SNCAIP: variants seen among roughly 807,000 people sequenced by gnomAD.
SNCAIP encodes the protein synphilin-1.
Under a neutral mutation model 86.7 loss-of-function variants are expected in SNCAIP, and 43 were observed. That is an observed-to-expected ratio of 0.50 (90% CI 0.39 to 0.64). SNCAIP has a LOEUF of 0.64. Ranked by LOEUF, SNCAIP falls within the 30% of genes least tolerant of loss-of-function variation. The pLI is 0.00. For synonymous variants in SNCAIP, 417 were observed against 427.2 expected (o/e 0.98, Z 0.29); for missense variants, 981 against 1,103.1 (o/e 0.89, Z 1.57).
chr5:122,403,643 C>A, intron 2 of SNCAIP, 150 bp from the exon 3 acceptor site: 1 of 761,966 alleles, frequency 1.3e-6, no homozygotes, highest in Admixed American at 1.8e-5. Flanking sequence ...GGTCACCACG[C>A]AGCCCATTTA....
intron 8 of SNCAIP, among the ~76,000 whole-genome samples, chr5:122,447,263 C>G (rs774798850): frequency 1.3e-5 from 2 of 152,306 alleles, no homozygotes; most frequent in South Asian, 4.1e-4. Context: ...TCTCAGACTT[C>G]CAGCCTCCAG....
In SNCAIP at chr5:122,380,172, T is replaced by G. The variant is rs866917028; in HGVS notation, c.-46-10917T>G. Among the ~76,000 whole-genome samples, 663 of 152,230 alleles carry G rather than the reference T, an allele frequency of 4.4e-3. 6 individuals are homozygous for G. The highest frequency in any genetic ancestry group is 0.015 in the African/African-American group (627 of 41,536). On this transcript the variant is annotated intron_variant, in intron 1 of 10. Coordinates refer to ENST00000261368, the MANE Select transcript of SNCAIP (RefSeq NM_005460.4). The stretch of plus-strand genomic sequence containing the variant: ...TCGGCTGTGAATCCATCTGGTCCTG[T>G]ACTCTTTTTGGTTGGTAAACTATTG...
chr5:122,366,179 T>C (rs1401159873), intron 1 of SNCAIP, among the ~76,000 whole-genome samples: 1 of 152,158 alleles, frequency 6.6e-6, no homozygotes, highest in Admixed American at 6.5e-5. Flanking sequence ...ATCTTGATAC[T>C]AGCAAAAGCA....
chr5:122,420,320 A>G (rs1776130136), intron 3 of SNCAIP, among the ~76,000 whole-genome samples: 1 of 152,210 alleles, frequency 6.6e-6, no homozygotes, highest in African/African-American at 2.4e-5. Flanking sequence ...ATTTCCCTGT[A>G]TCACTTGGAA....
At chr5:122,356,472 G>T (rs1284010619) in intron 1 of SNCAIP, among the ~76,000 whole-genome samples, 1 of 151,794 alleles carries the variant, frequency 6.6e-6, no homozygotes, top group Non-Finnish European at 1.5e-5. Context: ...AATTTTTTTT[G>T]ATGAGACTGA....
intron 3 of SNCAIP, among the ~76,000 whole-genome samples, chr5:122,415,819 C>T (rs1249930247): frequency 1.3e-5 from 2 of 152,154 alleles, no homozygotes; most frequent in Non-Finnish European, 2.9e-5. Flanking sequence ...AAATGTATCT[C>T]TCCCTACATT....
intron 1 of SNCAIP, among the ~76,000 whole-genome samples, chr5:122,381,095 T>C (rs201171707): frequency 2.3e-3 from 316 of 140,210 alleles, no homozygotes; most frequent in African/African-American, 4.2e-3. Flanking sequence ...CTGGGTATCC[T>C]TGTTGACTTT....
At chr5:122,364,008 G>A (rs1173552224) in intron 1 of SNCAIP, among the ~76,000 whole-genome samples, 2 of 151,848 alleles carry the variant, frequency 1.3e-5, no homozygotes, top group African/African-American at 2.4e-5. Context: ...AGAATATTAT[G>A]TGTGTGAAGA....
intron 6 of SNCAIP, among the ~76,000 whole-genome samples, chr5:122,438,214 G>A (rs1581253768): frequency 1.3e-5 from 2 of 152,186 alleles, no homozygotes; most frequent in South Asian, 4.2e-4. Flanking sequence ...AAAAAAACCA[G>A]TTCCCAGCCA....
intron 1 of SNCAIP, among the ~76,000 whole-genome samples, chr5:122,357,950 G>A (rs1201549308): frequency 6.6e-6 from 1 of 151,940 alleles, no homozygotes; most frequent in East Asian, 1.9e-4. Context: ...CAGCCTGTTT[G>A]GTTCATTCAC....
intron 1 of SNCAIP, among the ~76,000 whole-genome samples, chr5:122,318,539 T>A (rs1420979460): frequency 6.6e-6 from 1 of 152,224 alleles, no homozygotes; most frequent in Non-Finnish European, 1.5e-5. Flanking sequence ...GAGAAAAATG[T>A]GTGTTGAATC....
chr5:122,370,096 A>C (rs2152789373), intron 1 of SNCAIP: 1 of 152,288 alleles, frequency 6.6e-6, no homozygotes, highest in East Asian at 1.9e-4. Context: ...AAGAAAAATT[A>C]AATGTTTGAG....
intron 1 of SNCAIP, among the ~76,000 whole-genome samples, chr5:122,358,671 G>A (rs921734047): frequency 2.0e-5 from 3 of 152,042 alleles, no homozygotes; most frequent in Non-Finnish European, 4.4e-5. Flanking sequence ...ACTGTGGGTT[G>A]TTATTGGCGC....
intron 9 of SNCAIP, 96 bp from the exon 10 acceptor site, chr5:122,450,437 C>T (rs1561801803): frequency 1.2e-6 from 1 of 861,188 alleles, no homozygotes; most frequent in East Asian, 2.4e-5. Context: ...TTCTTATTTA[C>T]TTATACATTA....
At chr5:122,382,565 G>T (rs1305884900) in intron 1 of SNCAIP, among the ~76,000 whole-genome samples, 1 of 152,186 alleles carries the variant, frequency 6.6e-6, no homozygotes, top group Non-Finnish European at 1.5e-5. Flanking sequence ...TCTCCATCCA[G>T]CTTTGTTCCG....
chr5:122,394,573 G>A (rs1770180412), intron 2 of SNCAIP, among the ~76,000 whole-genome samples: 1 of 152,128 alleles, frequency 6.6e-6, no homozygotes, highest in African/African-American at 2.4e-5. Context: ...TTTAAAGCAG[G>A]GTTTTTCTGT....
chr5:122,423,861 GGCTTTAGTTGGGAGA>G, intron 4 of SNCAIP, 122 bp downstream of exon 4: 2 of 852,238 alleles, frequency 2.3e-6, no homozygotes, highest in Non-Finnish European at 1.8e-6. Flanking sequence ...CTTTACTTGT[GGCTTTAGTTGGGAGA>G]TGTGACCTTT....
chr5:122,339,734 G>T (rs60865236), intron 1 of SNCAIP, among the ~76,000 whole-genome samples: 13 of 152,220 alleles, frequency 8.5e-5, no homozygotes, highest in Non-Finnish European at 1.8e-4. Context: ...TTTATGGAAC[G>T]CAAGCTGCTC....
chr5:122,395,512 T>A (rs996847401), intron 2 of SNCAIP, among the ~76,000 whole-genome samples: 1 of 152,088 alleles, frequency 6.6e-6, no homozygotes, highest in Non-Finnish European at 1.5e-5. Context: ...CAACCTAGAG[T>A]AATGGCAAAA....
Sources: gnomAD v4.1 joint callset for allele counts (sites outside exome capture counted in the v4.1 genomes callset) on GRCh38, gnomAD v4.1.1 for gene constraint, MANE v1.5 for transcripts, NCBI Gene and HGNC (gene_info 2026-07-23, HGNC 2026-07-21) for gene names.